Variants in IFNAR2 observed in about 807,000 individuals in gnomAD.
IFNAR2 encodes interferon alpha and beta receptor subunit 2, also known as interferon alpha/beta receptor 2.
A neutral mutation model predicts 49.4 loss-of-function variants in IFNAR2; 30 were observed. That is an observed-to-expected ratio of 0.61 (90% CI 0.45 to 0.82). The LOEUF (loss-of-function observed/expected upper bound fraction) is 0.82, where lower values mean the gene tolerates loss of function less well. IFNAR2 is among the 40% of genes least tolerant of loss of function. The pLI is 0.00. For missense variants in IFNAR2, 600 were observed against 622.7 expected, an observed-to-expected ratio of 0.96 and a Z score of 0.39; for synonymous variants, 224 against 234.5, an observed-to-expected ratio of 0.96 and a Z score of 0.41.
At position 33,252,675 on chromosome 21, in the gene IFNAR2, TAAAAG is replaced by T. The variant is rs1312285586; in HGVS notation, c.555_559del (p.Ile185MetfsTer12). On this transcript the variant is annotated frameshift_variant, in exon 7 of 9. Coordinates refer to ENST00000342136, the MANE Select transcript of IFNAR2 (RefSeq NM_001289125.3). LOFTEE classifies it high-confidence loss of function. ...TTATGTTTACAGCATAAACCCGAAA[TAAAAG>T]GAAACATGAGTGGAAATTTCACCTA... The T allele has an allele frequency of 1.6e-5, 26 of 1,613,104 alleles. No individual in the cohort carries two copies. Among genetic ancestry groups the T allele is most frequent in the Admixed American group, 1.2e-4 (7 of 59,870 alleles).
intron 7 of IFNAR2, among the ~76,000 whole-genome samples, chr21:33,254,446 C>T (rs1209255335): frequency 6.6e-6 from 1 of 152,208 alleles, no homozygotes; most frequent in Non-Finnish European, 1.5e-5. Flanking sequence ...AAAGCTGTCT[C>T]TTGCAGGGAA....
At chr21:33,244,531 G>A (rs367793127) in intron 3 of IFNAR2, among the ~76,000 whole-genome samples, 34 of 152,282 alleles carry the variant, frequency 2.2e-4, no homozygotes, top group African/African-American at 6.5e-4. Context: ...AGCTACTTAA[G>A]GAGGACTTCA....
intron 2 of IFNAR2, 23 bp downstream of exon 2, chr21:33,242,000 G>T: frequency 6.2e-7 from 1 of 1,606,162 alleles, no homozygotes; most frequent in Non-Finnish European, 8.5e-7. Flanking sequence ...TTTTATCTTA[G>T]CTCTTATAGA....
At chr21:33,246,582 A>G (rs1987424840) in intron 4 of IFNAR2, 136 bp from the exon 5 acceptor site, 1 of 640,720 alleles carries the variant, frequency 1.6e-6, no homozygotes, top group East Asian at 2.8e-5. Flanking sequence ...TTTCAATAAG[A>G]TGGTTGGGGA....
At position 33,230,798 on chromosome 21, in the gene IFNAR2, G is replaced by T. The variant is rs1264506530; in HGVS notation, c.-84+582G>T. On this transcript the variant is annotated intron_variant, in intron 1 of 8. Coordinates refer to ENST00000342136, the MANE Select transcript of IFNAR2 (RefSeq NM_001289125.3). This position sits in a 1 kb window ranked among gnomAD's most constrained non-coding sequence, Gnocchi z 5.5. Reference sequence around the variant, plus strand: ...GGAAGGGGCGAGGGGACGTGGCCGCGGAGACAGAAGGGTGCACCCTCCCAG... The same window carrying T: ...GGAAGGGGCGAGGGGACGTGGCCGCTGAGACAGAAGGGTGCACCCTCCCAG... Among the ~76,000 whole-genome samples the T allele has an allele frequency of 1.4e-4, 21 of 152,140 alleles. No homozygotes were observed. Among genetic ancestry groups the T allele is most frequent in the Admixed American group, 1.4e-3 (21 of 15,272 alleles).
chr21:33,235,610 G>C (rs1223931800), intron 1 of IFNAR2, among the ~76,000 whole-genome samples: 2 of 151,944 alleles, frequency 1.3e-5, no homozygotes, highest in Non-Finnish European at 2.9e-5. Flanking sequence ...ATGTTTTTTT[G>C]TTTGCTATTT....
At position 33,263,661 on chromosome 21, in the gene IFNAR2, C is replaced by CA; in HGVS notation, c.*162dup. On this transcript the variant is annotated 3_prime_UTR_variant, in exon 9 of 9. Coordinates refer to ENST00000342136, the MANE Select transcript of IFNAR2 (RefSeq NM_001289125.3). ...AGGTGACATCACCTATGCACATTCC[C>CA]AGTATGGGGACCATAGTATCATTCA... 1 of 634,724 alleles carries CA rather than the reference C, an allele frequency of 1.6e-6. No homozygotes were observed. Among genetic ancestry groups the CA allele is most frequent in the Non-Finnish European group, 2.7e-6 (1 of 369,472 alleles). 39.3% of individuals were successfully genotyped at this position (634,724 alleles called of 1,614,324 possible). A position where few individuals can be genotyped will look rare whatever the true frequency, so the allele number is the denominator to read the frequency against.
chr21:33,241,120 A>G (rs756179722), intron 1 of IFNAR2, among the ~76,000 whole-genome samples: 1 of 152,214 alleles, frequency 6.6e-6, no homozygotes, highest in Non-Finnish European at 1.5e-5. Flanking sequence ...TGATGGATAC[A>G]CTAAAAGCCC....
At chr21:33,242,056 G>A (rs187125927) in intron 2 of IFNAR2, 79 bp downstream of exon 2, 71 of 1,384,038 alleles carry the variant, frequency 5.1e-5, no homozygotes, top group East Asian at 3.6e-4. Context: ...GCAGGAAGTC[G>A]CAAACTCATT....
At chr21:33,235,210 C>T (rs1986357737) in intron 1 of IFNAR2, among the ~76,000 whole-genome samples, 1 of 152,180 alleles carries the variant, frequency 6.6e-6, no homozygotes, top group South Asian at 2.1e-4. Context: ...CCTGTCTTAT[C>T]AGCAGGGTCT....
At position 33,230,548 on chromosome 21, in the gene IFNAR2, A is replaced by G. The variant is rs1347064019; in HGVS notation, c.-84+332A>G. 2.1e-6 allele frequency: 1 copy of G among 470,630 alleles called. No homozygotes were observed. The highest frequency in any genetic ancestry group is 4.4e-6 in the Non-Finnish European group (1 of 226,880). The allele number at this position is 470,630 out of a possible 1,614,324, so 29.2% of individuals were successfully genotyped here. A position where few individuals can be genotyped will look rare whatever the true frequency, so the allele number is the denominator to read the frequency against. On this transcript the variant is annotated intron_variant, in intron 1 of 8. Transcript: ENST00000342136. This position sits in a 1 kb window ranked among gnomAD's most constrained non-coding sequence, Gnocchi z 5.5. ...ATGCCCAGGATACCGGGCATTTGCC[A>G]CTGCAAGATGTGAGTCGTTGCTAAG...
rs17860137 is a variant in IFNAR2 at position 33,234,979 on chromosome 21, G to T, written c.-84+4763G>T. Among the ~76,000 whole-genome samples, 957 of 152,326 alleles carry T rather than the reference G, an allele frequency of 6.3e-3. 8 individuals are homozygous for T. The highest frequency in any genetic ancestry group is 0.022 in the African/African-American group (912 of 41,568). On this transcript the variant is annotated intron_variant, in intron 1 of 8. Coordinates refer to ENST00000342136, the MANE Select transcript of IFNAR2 (RefSeq NM_001289125.3). ...ACAAGTGGTGGATTATTCATAAGTT[G>T]TCTGCAAAAGGGGTGGGAGTTCTGG...
At chr21:33,231,735 G>T (rs901415280) in intron 1 of IFNAR2, 39 of 926,832 alleles carry the variant, frequency 4.2e-5, no homozygotes, top group African/African-American at 5.4e-5. Flanking sequence ...TGTTTTGTTT[G>T]GTTTGGTTTG....
chr21:33,265,148 G>GA lies in IFNAR2; in HGVS notation c.*1649dup, dbSNP rs1192485791. 1 of 152,138 alleles carries GA rather than the reference G, an allele frequency of 6.6e-6. No homozygotes were observed. The highest frequency in any genetic ancestry group is 1.5e-5 in the Non-Finnish European group (1 of 68,032). 9.4% of individuals were successfully genotyped at this position (152,138 alleles called of 1,614,324 possible). ...AGGTTTTTTGTTTCTGAAGTAAAAGGATTGGACTAGGTAATCTCCAAGATC... is the reference window on the plus strand; with the variant it reads ...AGGTTTTTTGTTTCTGAAGTAAAAGGAATTGGACTAGGTAATCTCCAAGATC... On this transcript the variant is annotated 3_prime_UTR_variant, in exon 9 of 9. Coordinates refer to ENST00000342136, the MANE Select transcript of IFNAR2 (RefSeq NM_001289125.3).
At chr21:33,235,185 G>C (rs1385417849) in intron 1 of IFNAR2, among the ~76,000 whole-genome samples, 4 of 152,188 alleles carry the variant, frequency 2.6e-5, no homozygotes, top group Admixed American at 6.5e-5. Context: ...GCTTTGGCCA[G>C]CTTCTTTACT....
intron 8 of IFNAR2, among the ~76,000 whole-genome samples, chr21:33,261,273 G>A (rs1988554868): frequency 6.6e-6 from 1 of 152,054 alleles, no homozygotes; most frequent in South Asian, 2.1e-4. Context: ...CTGACTTCAA[G>A]TGATCCACCT....
chr21:33,265,373 A>C lies in IFNAR2; in HGVS notation c.*1873A>C, dbSNP rs1409051677. ...GAAAACTAAAAATTATACAAGTTAT[A>C]GTTCAAGGACTTTAAATAGATTATT... is the stretch of plus-strand genomic sequence containing the variant. On this transcript the variant is annotated 3_prime_UTR_variant, in exon 9 of 9. Coordinates refer to ENST00000342136, the MANE Select transcript of IFNAR2 (RefSeq NM_001289125.3). 6.6e-6 allele frequency: 1 copy of C among 152,466 alleles called. No homozygotes were observed. The highest frequency in any genetic ancestry group is 2.4e-5 in the African/African-American group (1 of 41,450). The allele number at this position is 152,466 out of a possible 1,614,324, so 9.4% of individuals were successfully genotyped here. A position where few individuals can be genotyped will look rare whatever the true frequency, so the allele number is the denominator to read the frequency against.
At chr21:33,245,753 G>A (rs1310669257) in intron 4 of IFNAR2, among the ~76,000 whole-genome samples, 1 of 152,162 alleles carries the variant, frequency 6.6e-6, no homozygotes, top group East Asian at 1.9e-4. Flanking sequence ...TATTTATTTG[G>A]CCTAGAGCTG....
chr21:33,234,083 TC>T (rs1175555439), intron 1 of IFNAR2, among the ~76,000 whole-genome samples: 1 of 152,136 alleles, frequency 6.6e-6, no homozygotes, highest in Non-Finnish European at 1.5e-5. Flanking sequence ...TAGAGGGATA[TC>T]ATAGGAAATT....
Sources: allele counts gnomAD v4.1 joint callset (sites outside exome capture counted in the v4.1 genomes callset), GRCh38; gene constraint gnomAD v4.1.1; non-coding constraint Gnocchi (gnomAD v3.1); transcripts MANE v1.5; gene names NCBI Gene and HGNC (gene_info 2026-07-23, HGNC 2026-07-21).